ASXL2: variants seen among roughly 807,000 people sequenced by gnomAD.
ASXL2 encodes the protein ASXL transcriptional regulator 2, also known as putative Polycomb group protein ASXL2.
In ASXL2, 23 loss-of-function variants were observed where a neutral mutation model predicts 122.0. That is an observed-to-expected ratio of 0.19 (90% CI 0.14 to 0.27). The LOEUF (loss-of-function observed/expected upper bound fraction) is 0.27. ASXL2 is among the 10% of genes least tolerant of loss of function. ASXL2 has a pLI of 1.00. For synonymous variants in ASXL2, 650 were observed against 637.0 expected, an observed-to-expected ratio of 1.02 and a Z score of -0.31; for missense variants, 1,518 against 1,713.8, an observed-to-expected ratio of 0.89 and a Z score of 2.02.
chr2:25,808,556 T>C (rs1040577751), intron 3 of ASXL2, among the ~76,000 whole-genome samples: 1 of 152,148 alleles, frequency 6.6e-6, no homozygotes, highest in Non-Finnish European at 1.5e-5. Context: ...GGTCTCGAAC[T>C]CCTGACCTCA....
At chr2:25,837,798 C>T (rs775135233) in intron 2 of ASXL2, among the ~76,000 whole-genome samples, 15 of 151,042 alleles carry the variant, frequency 9.9e-5, no homozygotes, top group African/African-American at 1.9e-4. Context: ...TGCAGTGAGC[C>T]GTGATTAAAA....
chr2:25,767,483 A>C, intron 8 of ASXL2, 100 bp downstream of exon 8: 5 of 1,302,382 alleles, frequency 3.8e-6, no homozygotes, highest in Non-Finnish European at 5.3e-6. Context: ...TGTAACTCAA[A>C]TCTAAGTTAT....
At chr2:25,859,526 G>A (rs1008212483) in intron 1 of ASXL2, among the ~76,000 whole-genome samples, 7 of 152,072 alleles carry the variant, frequency 4.6e-5, no homozygotes, top group Admixed American at 1.3e-4. Flanking sequence ...CAATCTCTCC[G>A]AAAGAAATAC....
rs1401466888 is a variant in ASXL2 at position 25,878,204 on chromosome 2, T to A, written c.19A>T (p.Arg7Trp). ...TCCGCCCAGGTCCTGCCCTTCTTCC[T>A]ACGTCCCTTTTCCCTCATGTCGGGT... MREKGR[R>W]KKGRTWAEAA... Residue 7 changes from arginine (R) to tryptophan (W), a missense_variant, in exon 1 of 13, where the codon AGG (arginine) becomes TGG (tryptophan). Physicochemically the swap from Arg to Trp is moderately radical, Grantham distance 101 (BLOSUM62 -3). This residue lies in a region of ASXL2 where 28 missense variants were observed against 42.2 expected (regional missense o/e 0.66). Transcript: ENST00000435504. The A allele has an allele frequency of 1.2e-6, 2 of 1,613,764 alleles. No individual in the cohort carries two copies. The highest frequency in any genetic ancestry group is 3.3e-5 in the Admixed American group (2 of 60,010).
chr2:25,844,094 C>T (rs949542957), intron 2 of ASXL2, among the ~76,000 whole-genome samples: 3 of 152,110 alleles, frequency 2.0e-5, no homozygotes, highest in South Asian at 2.1e-4. Flanking sequence ...AACAGCCCCC[C>T]AAAATTCTAA....
At chr2:25,876,141 C>A (rs986597875) in intron 1 of ASXL2, among the ~76,000 whole-genome samples, 2 of 152,138 alleles carry the variant, frequency 1.3e-5, no homozygotes, top group Non-Finnish European at 2.9e-5. Flanking sequence ...GAGACTGGGG[C>A]TTCATGTATT....
chr2:25,798,609 C>T (rs553330542), intron 5 of ASXL2, among the ~76,000 whole-genome samples: 7 of 152,064 alleles, frequency 4.6e-5, no homozygotes, highest in Non-Finnish European at 8.8e-5. Context: ...ACTAAAAATA[C>T]AAAAATTAGC....
At chr2:25,842,090 C>A (rs965913864) in intron 2 of ASXL2, among the ~76,000 whole-genome samples, 1 of 143,626 alleles carries the variant, frequency 7.0e-6, no homozygotes. Flanking sequence ...CCAGCCTGGG[C>A]GACAAGAGCA....
chr2:25,742,368 T>C lies in ASXL2; in HGVS notation c.3969A>G (p.Ile1323Met). The C allele has an allele frequency of 1.2e-6, 2 of 1,610,440 alleles. No individual in the cohort carries two copies. Among genetic ancestry groups the C allele is most frequent in the South Asian group, 2.2e-5 (2 of 90,874 alleles). The change falls in exon 13 of 13, where the codon ATA (isoleucine) becomes ATG (methionine). Residue 1323 changes from isoleucine (I) to methionine (M), a missense_variant. Ile to Met is a conservative substitution (Grantham distance 10). Around this residue, in one of 8 missense-constraint regions of ASXL2, gnomAD observed 831 missense variants for 833.1 expected, o/e 1.00. Coordinates refer to ENST00000435504, the MANE Select transcript of ASXL2 (RefSeq NM_018263.6). ...TGATCATGCCTCTATAGCTTGGCCC[T>C]ATCTGGGTGGGGCTTCCATACAACT... ...TPKLYGSPTQ[I>M]GPSYRGMINV...
intron 9 of ASXL2, among the ~76,000 whole-genome samples, chr2:25,757,860 A>T (rs1449368239): frequency 1.3e-5 from 2 of 151,336 alleles, no homozygotes; most frequent in Non-Finnish European, 2.9e-5. Flanking sequence ...AGAATTCCAT[A>T]AACAGGCCCT....
chr2:25,784,148 G>A (rs1175795069), intron 5 of ASXL2, among the ~76,000 whole-genome samples: 1 of 151,860 alleles, frequency 6.6e-6, no homozygotes, highest in Non-Finnish European at 1.5e-5. Flanking sequence ...CTACTTGGGG[G>A]GCTGAGGCAG....
intron 5 of ASXL2, among the ~76,000 whole-genome samples, chr2:25,793,299 T>C (rs2088864046): frequency 6.6e-6 from 1 of 152,200 alleles, no homozygotes; most frequent in Admixed American, 6.5e-5. Context: ...CAGTTTTACA[T>C]AGTTCACTGC....
intron 1 of ASXL2, among the ~76,000 whole-genome samples, chr2:25,872,868 G>C (rs534067897): frequency 6.6e-6 from 1 of 152,040 alleles, no homozygotes; most frequent in South Asian, 2.1e-4. Context: ...TAGCCCAGAC[G>C]GTTTCTCAGG....
intron 3 of ASXL2, chr2:25,831,038 G>A (rs115116453): frequency 3.3e-5 from 5 of 152,138 alleles, no homozygotes; most frequent in African/African-American, 1.2e-4. Flanking sequence ...TCAAAGAATT[G>A]GCCAGGCACG....
intron 3 of ASXL2, among the ~76,000 whole-genome samples, chr2:25,827,620 T>C (rs1383978758): frequency 3.3e-5 from 5 of 152,206 alleles, no homozygotes; most frequent in East Asian, 1.9e-4. Flanking sequence ...AAGTAAACAT[T>C]TGATTCATCC....
At chr2:25,871,967 A>C (rs1176511196) in intron 1 of ASXL2, among the ~76,000 whole-genome samples, 1 of 152,236 alleles carries the variant, frequency 6.6e-6, no homozygotes, top group East Asian at 1.9e-4. Flanking sequence ...ACTTTTTATT[A>C]AACTCTTGGG....
chr2:25,857,080 T>TGGGGG (rs1356230805), intron 1 of ASXL2: 1 of 13,164 alleles, frequency 7.6e-5, no homozygotes, highest in Non-Finnish European at 1.4e-4. Flanking sequence ...TGTTAGATTT[T>TGGGGG]TGGGGGGGGC....
chr2:25,811,461 G>A (rs2089169512), intron 3 of ASXL2, among the ~76,000 whole-genome samples: 1 of 151,544 alleles, frequency 6.6e-6, no homozygotes, highest in Non-Finnish European at 1.5e-5. Flanking sequence ...AAAACATACG[G>A]CAGACAAAAG....
At chr2:25,765,450 C>T (rs961055506) in intron 8 of ASXL2, among the ~76,000 whole-genome samples, 1 of 151,594 alleles carries the variant, frequency 6.6e-6, no homozygotes, top group Admixed American at 6.6e-5. Context: ...CGGGCCACTG[C>T]ACTCCCTGGG....
Sources: gnomAD v4.1 joint callset for allele counts (sites outside exome capture counted in the v4.1 genomes callset) on GRCh38, gnomAD v4.1.1 for gene constraint, gnomAD v4.1.1 regional missense constraint, MANE v1.5 for transcripts, NCBI Gene and HGNC (gene_info 2026-07-23, HGNC 2026-07-21) for gene names.